NR3C2: variants seen among roughly 807,000 people sequenced by gnomAD.
The protein encoded by NR3C2 is nuclear receptor subfamily 3 group C member 2, also known as mineralocorticoid receptor.
A neutral mutation model predicts 86.4 loss-of-function variants in NR3C2; 15 were observed. The observed-to-expected ratio is 0.17, with a 90% CI of 0.12 to 0.27. NR3C2 has a LOEUF of 0.27. Ranked by LOEUF, NR3C2 falls within the 10% of genes least tolerant of loss-of-function variation. NR3C2 has a pLI of 1.00. For synonymous variants in NR3C2, 458 were observed against 450.5 expected (o/e 1.02, Z -0.21); for missense variants, 960 against 1,195.6 (o/e 0.80, Z 2.91).
At chr4:148,223,359 T>C (rs971251260) in intron 3 of NR3C2, among the ~76,000 whole-genome samples, 2 of 152,202 alleles carry the variant, frequency 1.3e-5, no homozygotes, top group Non-Finnish European at 1.5e-5. Flanking sequence ...CATGTATTGT[T>C]AGTGTTGTTT....
intron 2 of NR3C2, among the ~76,000 whole-genome samples, chr4:148,343,604 T>C (rs1427738942): frequency 6.6e-6 from 1 of 152,070 alleles, no homozygotes; most frequent in Non-Finnish European, 1.5e-5. Context: ...CTCATTGTGA[T>C]TTGCAGACAA....
intron 2 of NR3C2, among the ~76,000 whole-genome samples, chr4:148,285,886 T>C: frequency 6.6e-6 from 1 of 152,258 alleles, no homozygotes. Context: ...ATTTCACATA[T>C]GTGATACATT....
intron 2 of NR3C2, among the ~76,000 whole-genome samples, chr4:148,267,268 T>C (rs1190462382): frequency 4.7e-5 from 7 of 149,378 alleles, no homozygotes; most frequent in South Asian, 2.1e-4. Context: ...CCATTCCATC[T>C]ATAATTCTTT....
At position 148,141,201 on chromosome 4, in the gene NR3C2, G is replaced by A. The variant is rs562295762; in HGVS notation, c.2510+11268C>T. Among the ~76,000 whole-genome samples the A allele has an allele frequency of 3.3e-5, 5 of 152,306 alleles. No individual in the cohort carries two copies. In the South Asian group the frequency reaches 1.0e-3, roughly 32 times the overall value. ...TAATCCCAGCACTTTGGGAGGCCAA[G>A]GTGGGTGGATCACTTGAGGTCAGGA... On this transcript the variant is annotated intron_variant, in intron 6 of 8. Coordinates refer to ENST00000358102, the MANE Select transcript of NR3C2 (RefSeq NM_000901.5).
At chr4:148,316,820 G>A (rs1009961311) in intron 2 of NR3C2, among the ~76,000 whole-genome samples, 9 of 151,834 alleles carry the variant, frequency 5.9e-5, no homozygotes, top group African/African-American at 2.2e-4. Context: ...TTTGTTTTCT[G>A]AGACAGGCTC....
intron 2 of NR3C2, among the ~76,000 whole-genome samples, chr4:148,414,439 C>T (rs542586775): frequency 2.0e-5 from 3 of 152,096 alleles, no homozygotes; most frequent in Middle Eastern, 3.4e-3. Context: ...TATAATTTTG[C>T]TTTTGTTAAT....
chr4:148,392,091 T>G (rs899702884), intron 2 of NR3C2, among the ~76,000 whole-genome samples: 1 of 152,140 alleles, frequency 6.6e-6, no homozygotes, highest in African/African-American at 2.4e-5. Context: ...TGGGGTAATA[T>G]TTCAAAGACC....
At chr4:148,398,997 T>C (rs1221423011) in intron 2 of NR3C2, among the ~76,000 whole-genome samples, 1 of 152,148 alleles carries the variant, frequency 6.6e-6, no homozygotes, top group Non-Finnish European at 1.5e-5. Flanking sequence ...TGGAAGAATA[T>C]TTTAGGAAAA....
chr4:148,119,194 C>T (rs1732400327), intron 7 of NR3C2, among the ~76,000 whole-genome samples: 1 of 152,170 alleles, frequency 6.6e-6, no homozygotes, highest in Non-Finnish European at 1.5e-5. Flanking sequence ...TCCAACATAA[C>T]TTGATGCACC....
intron 6 of NR3C2, among the ~76,000 whole-genome samples, chr4:148,139,651 T>C (rs1174005002): frequency 6.6e-6 from 1 of 152,212 alleles, no homozygotes; most frequent in African/African-American, 2.4e-5. Flanking sequence ...TAGGTATGTA[T>C]GTTGGCTCGG....
intron 3 of NR3C2, among the ~76,000 whole-genome samples, chr4:148,257,608 T>C (rs1272295747): frequency 6.6e-6 from 1 of 152,124 alleles, no homozygotes; most frequent in East Asian, 1.9e-4. Context: ...CATGATTTTG[T>C]GAAATGAGTT....
At chr4:148,157,796 C>T (rs1734472072) in intron 4 of NR3C2, among the ~76,000 whole-genome samples, 2 of 152,142 alleles carry the variant, frequency 1.3e-5, no homozygotes, top group Admixed American at 1.3e-4. Context: ...TAGAGTAGGA[C>T]TATGTTACAC....
intron 6 of NR3C2, among the ~76,000 whole-genome samples, chr4:148,126,906 C>T (rs1732775112): frequency 6.6e-6 from 1 of 152,128 alleles, no homozygotes; most frequent in Admixed American, 6.5e-5. Context: ...GGATCCAAAC[C>T]CAGGTTTTTT....
chr4:148,396,555 T>G (rs185826259), intron 2 of NR3C2, among the ~76,000 whole-genome samples: 2 of 152,288 alleles, frequency 1.3e-5, no homozygotes, highest in Admixed American at 1.3e-4. Flanking sequence ...CCAAATAAGC[T>G]GAGGAGAAGA....
chr4:148,339,900 G>T (rs1414020751), intron 2 of NR3C2, among the ~76,000 whole-genome samples: 2 of 151,994 alleles, frequency 1.3e-5, no homozygotes, highest in African/African-American at 4.8e-5. Flanking sequence ...ACTTATATAA[G>T]CCAACAGTGA....
chr4:148,112,166 T>C (rs939693102), intron 8 of NR3C2, among the ~76,000 whole-genome samples: 4 of 151,978 alleles, frequency 2.6e-5, no homozygotes, highest in Non-Finnish European at 4.4e-5. Flanking sequence ...CATGGACCAC[T>C]AGGTGAGGCC....
At chr4:148,355,754 A>G (rs1459854666) in intron 2 of NR3C2, among the ~76,000 whole-genome samples, 1 of 152,246 alleles carries the variant, frequency 6.6e-6, no homozygotes. Flanking sequence ...CTGGCAAGTT[A>G]TCTACTAACA....
At position 148,151,329 on chromosome 4, in the gene NR3C2, A is replaced by C. The variant is rs147751870; in HGVS notation, c.2510+1140T>G. On this transcript the variant is annotated intron_variant, in intron 6 of 8. Transcript: ENST00000358102. ...TTCTGGTTTATAGAACATATTTTAAAACGGGCTTACTATTCAATAATATCA... is the reference window on the plus strand; with the variant it reads ...TTCTGGTTTATAGAACATATTTTAACACGGGCTTACTATTCAATAATATCA... 1.2e-3 allele frequency among the ~76,000 whole-genome samples: 181 copies of C among 152,310 alleles called. 1 individual carries two copies. The East Asian group carries it at 0.027, about 23-fold the overall frequency.
At chr4:148,234,627 G>A (rs1738646104) in intron 3 of NR3C2, among the ~76,000 whole-genome samples, 1 of 150,552 alleles carries the variant, frequency 6.6e-6, no homozygotes, top group East Asian at 2.0e-4. Context: ...AGGTTGCAGT[G>A]AGCCAAGATT....
Sources: allele counts gnomAD v4.1 joint callset (sites outside exome capture counted in the v4.1 genomes callset), GRCh38; gene constraint gnomAD v4.1.1; transcripts MANE v1.5; gene names NCBI Gene and HGNC (gene_info 2026-07-23, HGNC 2026-07-21).